Variants in ZNF721 observed in about 807,000 individuals in gnomAD.
ZNF721 encodes zinc finger protein 721.
Under a neutral mutation model 2.4 loss-of-function variants are expected in ZNF721, and 2 were observed. The ratio of observed to expected loss-of-function variants is 0.82; its 90% CI spans 0.34 to 2.58. The LOEUF (loss-of-function observed/expected upper bound fraction) is 2.58. ZNF721 is among the 30% of genes most tolerant of loss of function. The pLI, the probability that ZNF721 is intolerant of heterozygous loss-of-function variation, is 0.11. For missense variants in ZNF721, 1,187 were observed against 1,085.5 expected (o/e 1.09, Z -1.31); for synonymous variants, 398 against 381.8 (o/e 1.04, Z -0.50).
At chr4:470,893 G>A (rs566818513) in intron 2 of ZNF721, among the ~76,000 whole-genome samples, 2 of 151,982 alleles carry the variant, frequency 1.3e-5, no homozygotes, top group East Asian at 1.9e-4. Context: ...ACAGCTACTC[G>A]GGAGGCTAAG....
At position 492,190 on chromosome 4, in the gene ZNF721, A is replaced by G. The variant is rs1239946367; in HGVS notation, c.-94+6866T>C. Reference sequence around the variant, plus strand: ...AAAAAAAAAAACAAACAAACAAACAAAAAAAAAACCTTAAATTTCAGTTTT... The same window carrying G: ...AAAAAAAAAAACAAACAAACAAACAGAAAAAAAACCTTAAATTTCAGTTTT... On this transcript the variant is annotated intron_variant, in intron 1 of 2. Transcript: ENST00000511833. Among the ~76,000 whole-genome samples the G allele has an allele frequency of 8.0e-5, 12 of 150,740 alleles. No individual in the cohort carries two copies. The Admixed American group carries it at 8.0e-4, about 10-fold the overall frequency.
At chr4:452,701 A>G (rs1465205724) in intron 2 of ZNF721, among the ~76,000 whole-genome samples, 4 of 152,166 alleles carry the variant, frequency 2.6e-5, no homozygotes, top group African/African-American at 9.7e-5. Context: ...TTGGACCCAG[A>G]AACTGCCATA....
At chr4:498,339 G>A (rs934398339) in intron 1 of ZNF721, among the ~76,000 whole-genome samples, 2 of 151,996 alleles carry the variant, frequency 1.3e-5, no homozygotes, top group South Asian at 4.1e-4. Flanking sequence ...TGCAGTTTCT[G>A]GGTTTCTGAT....
Position 443,803 on chromosome 4 carries a change from T to C in ZNF721, c.664A>G (p.Lys222Glu). 6.2e-7 allele frequency: 1 copy of C among 1,614,002 alleles called. No individual in the cohort carries two copies. The highest frequency in any genetic ancestry group is 8.5e-7 in the Non-Finnish European group (1 of 1,179,950). The change falls in exon 3 of 3, where the codon AAA (lysine) becomes GAA (glutamate). Residue 222 changes from lysine to glutamate, a missense_variant. Coordinates refer to ENST00000511833, the MANE Select transcript of ZNF721 (RefSeq NM_133474.4). ...AAGGCTTTCCCACATTCTTTACATT[T>C]GTAGGGTTTATCTCCAGTATGAATT... ...KKIHTGDKPY[K>E]CKECGKAFMH...
chr4:462,565 A>G (rs1381829451), intron 2 of ZNF721, among the ~76,000 whole-genome samples: 1 of 152,226 alleles, frequency 6.6e-6, no homozygotes, highest in Non-Finnish European at 1.5e-5. Context: ...ATACAGACCA[A>G]TGGAACAGAA....
intron 2 of ZNF721, among the ~76,000 whole-genome samples, chr4:460,184 A>G (rs1369512018): frequency 6.6e-6 from 1 of 152,218 alleles, no homozygotes; most frequent in African/African-American, 2.4e-5. Flanking sequence ...AGTTGACCAC[A>G]TAACTGGAAG....
At chr4:475,661 G>C (rs1715606438) in intron 1 of ZNF721, among the ~76,000 whole-genome samples, 1 of 151,618 alleles carries the variant, frequency 6.6e-6, no homozygotes, top group South Asian at 2.1e-4. Context: ...GCCTCAACCT[G>C]TTAGCTATGC....
At chr4:466,036 G>A (rs1483740562) in intron 2 of ZNF721, among the ~76,000 whole-genome samples, 1 of 141,662 alleles carries the variant, frequency 7.1e-6, no homozygotes, top group Non-Finnish European at 1.5e-5. Context: ...TCACTCTATC[G>A]CTCAGGCTGG....
chr4:454,795 C>T lies in ZNF721; in HGVS notation c.35-10363G>A, dbSNP rs80170037. 1.2e-3 allele frequency among the ~76,000 whole-genome samples: 189 copies of T among 152,346 alleles called. 3 individuals carry two copies. In the East Asian group the frequency reaches 0.022, roughly 18 times the overall value. The stretch of plus-strand genomic sequence containing the variant: ...AATGGGCTGTGTGAGCCCCTTGACA[C>T]GTTCATCCAGTGCCGTTTTGGAGAA... On this transcript the variant is annotated intron_variant, in intron 2 of 2. Transcript: ENST00000511833.
At chr4:450,777 C>G (rs1321953384) in intron 2 of ZNF721, among the ~76,000 whole-genome samples, 1 of 150,714 alleles carries the variant, frequency 6.6e-6, no homozygotes, top group Non-Finnish European at 1.5e-5. Flanking sequence ...CTCTACTAAA[C>G]ATACAAAAAA....
At chr4:487,706 T>A (rs1553870746) in intron 1 of ZNF721, among the ~76,000 whole-genome samples, 1 of 152,184 alleles carries the variant, frequency 6.6e-6, no homozygotes, top group Non-Finnish European at 1.5e-5. Context: ...TGGTATTGAC[T>A]TATACAGAAG....
chr4:492,437 GTTAA>G (rs1484548244), intron 1 of ZNF721, among the ~76,000 whole-genome samples: 3 of 151,862 alleles, frequency 2.0e-5, no homozygotes, highest in African/African-American at 7.3e-5. Context: ...TGAACTTCAG[GTTAA>G]AAAAAGTTAA....
chr4:481,575 CTT>C (rs77613258), intron 1 of ZNF721, among the ~76,000 whole-genome samples: 19,145 of 142,698 alleles, frequency 0.13, 1,605 homozygotes, highest in African/African-American at 0.26. Flanking sequence ...TCTTTTCTTT[CTT>C]TTTTTTTTTT....
chr4:450,962 T>A (rs1471161754), intron 2 of ZNF721, among the ~76,000 whole-genome samples: 293 of 18,450 alleles, frequency 0.016, 15 homozygotes, highest in African/African-American at 0.039. Context: ...AAAAAATATA[T>A]ATATATATAT....
chr4:468,597 A>G (rs1169285911), intron 2 of ZNF721, among the ~76,000 whole-genome samples: 1 of 152,166 alleles, frequency 6.6e-6, no homozygotes, highest in Admixed American at 6.5e-5. Flanking sequence ...GGGCCCAGAA[A>G]GAATCTGTGA....
At chr4:450,957 ATATATATATATAT>A (rs1269535487) in intron 2 of ZNF721, among the ~76,000 whole-genome samples, 8,896 of 33,644 alleles carry the variant, frequency 0.26, 1,106 homozygotes, top group Middle Eastern at 0.38. Context: ...AAAAAAAAAA[ATATATATATATAT>A]ATATATATAT....
chr4:484,482 C>T (rs1715843552), intron 1 of ZNF721, among the ~76,000 whole-genome samples: 1 of 152,228 alleles, frequency 6.6e-6, no homozygotes, highest in Non-Finnish European at 1.5e-5. Context: ...CTTTCAAAAG[C>T]AAATGGGAGA....
intron 1 of ZNF721, among the ~76,000 whole-genome samples, chr4:473,170 T>A (rs151251270): frequency 6.8e-4 from 104 of 152,298 alleles, no homozygotes; most frequent in Admixed American, 1.5e-3. Context: ...GCACTGTCTC[T>A]CAAGCTTCAA....
rs200787068 is a variant in ZNF721, at chr4:496,299, C to G, written c.-94+2757G>C. 3.4e-4 allele frequency among the ~76,000 whole-genome samples: 52 copies of G among 152,212 alleles called. No individual in the cohort carries two copies. The East Asian group carries it at 9.8e-3, about 29-fold the overall frequency. ...CTAGCTTTTCAGGGCTGTTACCCCC[C>G]GAACTGGTTGGGTTCACCCGTGTGG... On this transcript the variant is annotated intron_variant, in intron 1 of 2. Transcript: ENST00000511833.
Sources: allele counts gnomAD v4.1 joint callset (sites outside exome capture counted in the v4.1 genomes callset), GRCh38; gene constraint gnomAD v4.1.1; transcripts MANE v1.5; gene names NCBI Gene and HGNC (gene_info 2026-07-23, HGNC 2026-07-21).